Variants in PTPRN2 observed in about 807,000 individuals in gnomAD.
The protein encoded by PTPRN2 is protein tyrosine phosphatase receptor type N2.
A neutral mutation model predicts 118.8 loss-of-function variants in PTPRN2; 74 were observed. The ratio of observed to expected loss-of-function variants is 0.62; its 90% CI spans 0.52 to 0.76. PTPRN2 has a LOEUF of 0.76. Among genes scored for constraint, PTPRN2 ranks in the 30% least tolerant of loss-of-function variants. The pLI is 0.00. For synonymous variants in PTPRN2, 641 were observed against 608.0 expected, an observed-to-expected ratio of 1.05 and a Z score of -0.80; for missense variants, 1,481 against 1,394.4, an observed-to-expected ratio of 1.06 and a Z score of -0.99.
At chr7:158,075,771 G>A (rs1206387666) in intron 11 of PTPRN2, among the ~76,000 whole-genome samples, 1 of 152,224 alleles carries the variant, frequency 6.6e-6, no homozygotes, top group Non-Finnish European at 1.5e-5. Context: ...CGAGCTGTGG[G>A]ATCGTCAACC....
chr7:158,229,254 C>G (rs1163603078), intron 3 of PTPRN2, among the ~76,000 whole-genome samples: 3 of 152,022 alleles, frequency 2.0e-5, no homozygotes, highest in African/African-American at 7.2e-5. Context: ...ATGTGACTCT[C>G]TAAGCAAATG....
chr7:157,930,136 C>A (rs1799272310), intron 11 of PTPRN2, among the ~76,000 whole-genome samples: 1 of 152,180 alleles, frequency 6.6e-6, no homozygotes, highest in African/African-American at 2.4e-5. Flanking sequence ...AACCTTCCTG[C>A]AGAGATAGCA....
At chr7:158,372,119 G>A (rs780177377) in intron 2 of PTPRN2, among the ~76,000 whole-genome samples, 8 of 152,152 alleles carry the variant, frequency 5.3e-5, no homozygotes, top group Non-Finnish European at 1.0e-4. Context: ...GGCTTGCCCC[G>A]AGCCCCAGCA....
intron 21 of PTPRN2, among the ~76,000 whole-genome samples, chr7:157,556,605 A>G (rs1798898543): frequency 6.8e-6 from 1 of 147,384 alleles, no homozygotes; most frequent in African/African-American, 2.5e-5. Flanking sequence ...CCAAACACAC[A>G]CACCCCACAC....
chr7:158,404,414 G>T (rs1003848387), intron 2 of PTPRN2, among the ~76,000 whole-genome samples: 7 of 152,196 alleles, frequency 4.6e-5, no homozygotes. Flanking sequence ...TGCAGGGGCT[G>T]TGGACCCCTT....
At chr7:158,075,499 C>T (rs1451640701) in intron 11 of PTPRN2, among the ~76,000 whole-genome samples, 5 of 152,168 alleles carry the variant, frequency 3.3e-5, no homozygotes, top group African/African-American at 1.2e-4. Flanking sequence ...CCCCTCCCCG[C>T]CCCCAACGCA....
Position 158,206,587 on chromosome 7 carries a change from G to C in PTPRN2, c.278-1314C>G, listed in dbSNP as rs762042844. 5.3e-5 allele frequency among the ~76,000 whole-genome samples: 8 copies of C among 151,980 alleles called. 1 individual carries two copies. The highest frequency in any genetic ancestry group is 4.6e-4 in the Admixed American group (7 of 15,262). ...GGGGAGGGGGGGAGAGAGAGAGACC[G>C]TCCGTTCGTTTGTCTCGGAGAATGT... On this transcript the variant is annotated intron_variant, in intron 3 of 22. Coordinates refer to ENST00000389418, the MANE Select transcript of PTPRN2 (RefSeq NM_002847.5).
intron 3 of PTPRN2, among the ~76,000 whole-genome samples, chr7:158,299,789 T>C (rs549261722): frequency 1.6e-4 from 25 of 152,240 alleles, no homozygotes; most frequent in Middle Eastern, 6.8e-3. Flanking sequence ...GCAGAGCAGT[T>C]GGCGGTTCCC....
At chr7:158,395,799 CGCGAGGGGCGAGGG>C (rs1343282214) in intron 2 of PTPRN2, among the ~76,000 whole-genome samples, 9 of 41,712 alleles carry the variant, frequency 2.2e-4, no homozygotes, top group African/African-American at 8.2e-4. Flanking sequence ...AGGGGTGAGG[CGCGAGGGGCGAGGG>C]GCGAGGGCTC....
intron 1 of PTPRN2, among the ~76,000 whole-genome samples, chr7:158,508,423 A>T (rs140921388): frequency 1.3e-5 from 2 of 152,266 alleles, no homozygotes; most frequent in East Asian, 3.9e-4. Flanking sequence ...GGATGCATGG[A>T]TCATCAGGGC....
At chr7:157,689,698 T>A (rs963615228) in intron 12 of PTPRN2, among the ~76,000 whole-genome samples, 2 of 152,140 alleles carry the variant, frequency 1.3e-5, no homozygotes, top group Admixed American at 6.5e-5. Context: ...CAGTCACAAG[T>A]TTCTCTCTGG....
At position 157,964,825 on chromosome 7, in the gene PTPRN2, C is replaced by T. The variant is rs548030950; in HGVS notation, c.1724-66088G>A. On this transcript the variant is annotated intron_variant, in intron 11 of 22. Transcript: ENST00000389418. This position sits in a 1 kb window ranked among gnomAD's most constrained non-coding sequence, Gnocchi z 9.0. ...GGCTGATCCCCATGGCCTGTTCTTTCGACGATCCTCCTCTTGCCCCAATTT... is the reference window on the plus strand; with the variant it reads ...GGCTGATCCCCATGGCCTGTTCTTTTGACGATCCTCCTCTTGCCCCAATTT... 3.9e-5 allele frequency among the ~76,000 whole-genome samples: 6 copies of T among 152,348 alleles called. No homozygotes were observed. The highest frequency in any genetic ancestry group is 3.9e-4 in the East Asian group (2 of 5,180).
intron 12 of PTPRN2, among the ~76,000 whole-genome samples, chr7:157,812,413 A>G (rs1198621452): frequency 6.8e-6 from 1 of 146,464 alleles, no homozygotes; most frequent in Non-Finnish European, 1.5e-5. Context: ...GGAGGGTGGG[A>G]AGAACAAAGG....
chr7:158,442,512 C>A (rs551109746), intron 2 of PTPRN2, among the ~76,000 whole-genome samples: 59 of 152,090 alleles, frequency 3.9e-4, no homozygotes, highest in Non-Finnish European at 7.2e-4. Context: ...ACAGTGGAAG[C>A]CCACTCAGCA....
intron 12 of PTPRN2, among the ~76,000 whole-genome samples, chr7:157,770,924 T>C (rs1802764499): frequency 6.6e-6 from 1 of 152,254 alleles, no homozygotes; most frequent in African/African-American, 2.4e-5. Flanking sequence ...GTGAGACCTC[T>C]GTCCTCCCCA....
intron 12 of PTPRN2, among the ~76,000 whole-genome samples, chr7:157,799,794 C>CA (rs1805116916): frequency 8.3e-6 from 1 of 120,634 alleles, no homozygotes. Context: ...TCACCACAAT[C>CA]GGCCTACCCC....
chr7:158,370,692 C>T (rs1486248604), intron 2 of PTPRN2, among the ~76,000 whole-genome samples: 1 of 152,026 alleles, frequency 6.6e-6, no homozygotes, highest in Admixed American at 6.6e-5. Context: ...GCGGAGCTTG[C>T]AGTGAACCAA....
Position 158,337,266 on chromosome 7 carries a change from GTCAC to G in PTPRN2, c.164-20338_164-20335del, listed in dbSNP as rs1353008993. On this transcript the variant is annotated intron_variant, in intron 2 of 22. Transcript: ENST00000389418. ...ACCATAAGAGCTGACACCTGCAGAC[GTCAC>G]TCAAACTCACACTCTCACCATAAGA... Among the ~76,000 whole-genome samples, 4 of 150,766 alleles carry G rather than the reference GTCAC, an allele frequency of 2.7e-5. No individual in the cohort carries two copies. The East Asian group carries it at 8.0e-4, about 30-fold the overall frequency.
intron 14 of PTPRN2, among the ~76,000 whole-genome samples, chr7:157,653,114 C>A (rs535613900): frequency 1.3e-5 from 2 of 152,214 alleles, no homozygotes; most frequent in African/African-American, 4.8e-5. Context: ...GCCTGCCCCC[C>A]AGACGGTGCA....
Sources: gnomAD v4.1 joint callset for allele counts (sites outside exome capture counted in the v4.1 genomes callset) on GRCh38, gnomAD v4.1.1 for gene constraint, Gnocchi (gnomAD v3.1) non-coding constraint, MANE v1.5 for transcripts, NCBI Gene and HGNC (gene_info 2026-07-23, HGNC 2026-07-21) for gene names.